DNAH6: variants seen among roughly 807,000 people sequenced by gnomAD.
The protein encoded by DNAH6 is dynein axonemal heavy chain 6, also known as axonemal beta dynein heavy chain 6.
In DNAH6, 340 loss-of-function variants were observed where a neutral mutation model predicts 491.4. The observed-to-expected ratio is 0.69, with a 90% CI of 0.63 to 0.76. DNAH6 has a LOEUF of 0.76. Ranked by LOEUF, DNAH6 falls within the 30% of genes least tolerant of loss-of-function variation. The probability of loss-of-function intolerance (pLI) is 0.00; values close to 1 mark genes in which losing one functional copy is unlikely to be tolerated. For missense variants in DNAH6, 4,443 were observed against 4,972.2 expected (o/e 0.89, Z 3.20); for synonymous variants, 1,603 against 1,686.1 (o/e 0.95, Z 1.21).
At chr2:84,593,495 G>C (rs543595826) in intron 16 of DNAH6, among the ~76,000 whole-genome samples, 2 of 152,088 alleles carry the variant, frequency 1.3e-5, no homozygotes, top group Non-Finnish European at 2.9e-5. Context: ...GTCGTGGTTA[G>C]AAAAGAGTCA....
chr2:84,524,444 A>T (rs1252194030), intron 2 of DNAH6, among the ~76,000 whole-genome samples: 1 of 151,768 alleles, frequency 6.6e-6, no homozygotes, highest in Non-Finnish European at 1.5e-5. Flanking sequence ...ATTCAAGGTT[A>T]GTGTTGATAT....
intron 22 of DNAH6, among the ~76,000 whole-genome samples, chr2:84,613,463 C>T (rs1558798037): frequency 6.6e-6 from 1 of 152,092 alleles, no homozygotes; most frequent in African/African-American, 2.4e-5. Flanking sequence ...AAACCATGAT[C>T]AAGACTGCGG....
chr2:84,804,004 C>T (rs1200527602), intron 70 of DNAH6, among the ~76,000 whole-genome samples: 5 of 152,074 alleles, frequency 3.3e-5, no homozygotes, highest in East Asian at 3.9e-4. Context: ...GCCAGGAGTT[C>T]GGGACCAGCC....
intron 64 of DNAH6, chr2:84,777,496 G>A (rs1329010024): frequency 1.4e-6 from 1 of 707,140 alleles, no homozygotes; most frequent in East Asian, 2.6e-5. Flanking sequence ...CTGCCACAGA[G>A]GGTCCAATGT....
the DNAH6 span, among the ~76,000 whole-genome samples, chr2:84,462,915 G>A: frequency 6.6e-6 from 1 of 152,148 alleles, no homozygotes; most frequent in Non-Finnish European, 1.5e-5. Flanking sequence ...AAGAAAGAAA[G>A]TTGAACCTCC....
Position 84,688,446 on chromosome 2 carries a change from C to A in DNAH6, c.7145C>A (p.Ala2382Glu). The change falls in exon 45 of 77, where the codon GCA (alanine) becomes GAA (glutamate). Residue 2382 changes from alanine to glutamate, a missense_variant. Around this residue, in one of 3 missense-constraint regions of DNAH6, gnomAD observed 2,977 missense variants for 3,296.6 expected, o/e 0.90. Coordinates refer to ENST00000389394, the MANE Select transcript of DNAH6 (RefSeq NM_001370.2). ...TTCTCCCATAAATTATAGTTTGGAG[C>A]AGATAAAGCTGATCGGATTTATGAT... ...IIFGDFIKFGADKADRIYDDM... is the reference protein window; with the variant it reads ...IIFGDFIKFGEDKADRIYDDM... The A allele has an allele frequency of 1.3e-6, 2 of 1,500,716 alleles. No homozygotes were observed. Among genetic ancestry groups the A allele is most frequent in the Non-Finnish European group, 1.8e-6 (2 of 1,131,844 alleles). The allele number at this position is 1,500,716 out of a possible 1,614,324, so 93.0% of individuals were successfully genotyped here. A position where few individuals can be genotyped will look rare whatever the true frequency, so the allele number is the denominator to read the frequency against.
At chr2:84,716,435 A>G (rs1697546176) in intron 58 of DNAH6, among the ~76,000 whole-genome samples, 2 of 152,102 alleles carry the variant, frequency 1.3e-5, no homozygotes, top group Non-Finnish European at 1.5e-5. Context: ...CTAAAGAAAC[A>G]TAATTTAGAC....
chr2:84,460,966 G>A, the DNAH6 span, among the ~76,000 whole-genome samples: 1 of 152,152 alleles, frequency 6.6e-6, no homozygotes, highest in African/African-American at 2.4e-5. Flanking sequence ...GACCCATTTA[G>A]GATTAAACAA....
intron 64 of DNAH6, chr2:84,777,565 T>A (rs971735530): frequency 8.9e-6 from 7 of 783,124 alleles, no homozygotes; most frequent in Non-Finnish European, 1.6e-5. Context: ...TGTGAACCTC[T>A]TTCCACTGTT....
chr2:84,727,418 T>C (rs879421966), intron 60 of DNAH6, among the ~76,000 whole-genome samples: 1 of 152,070 alleles, frequency 6.6e-6, no homozygotes, highest in Non-Finnish European at 1.5e-5. Flanking sequence ...ATGAAACCAA[T>C]TTTTTTGGTC....
chr2:84,473,350 G>T, the DNAH6 span, among the ~76,000 whole-genome samples: 43 of 152,258 alleles, frequency 2.8e-4, no homozygotes, highest in African/African-American at 1.0e-3. Context: ...ACAGCAATTT[G>T]GTCTAAGTAC....
At chr2:84,692,069 T>A (rs1694913801) in intron 45 of DNAH6, among the ~76,000 whole-genome samples, 1 of 152,240 alleles carries the variant, frequency 6.6e-6, no homozygotes, top group Non-Finnish European at 1.5e-5. Context: ...GAAGACTTTT[T>A]AAATAAGTCC....
rs149416280 is a variant in DNAH6, at chr2:84,577,398, G to T, written c.2066G>T (p.Arg689Leu). Residue 689 changes from arginine to leucine, a missense_variant, in exon 13 of 77, where the codon CGA becomes CTA. Coordinates refer to ENST00000389394, the MANE Select transcript of DNAH6 (RefSeq NM_001370.2). ...GAAAAATTAATTCCATCACCTTTGC[G>T]ATGCTTAGAGGTAACTATAAACTAG... ...LREKLIPSPLRCLEVLNFMLP... is the reference protein window; with the variant it reads ...LREKLIPSPLLCLEVLNFMLP... 6.5e-5 allele frequency: 104 copies of T among 1,597,860 alleles called. 1 individual carries two copies. The African/African-American group carries it at 1.2e-3, about 18-fold the overall frequency.
the DNAH6 span, among the ~76,000 whole-genome samples, chr2:84,508,646 T>C: frequency 3.9e-5 from 6 of 152,358 alleles, no homozygotes; most frequent in African/African-American, 1.4e-4. Context: ...CTAGTTCTTT[T>C]AATTGTGATG....
chr2:84,799,799 C>A (rs1020847202), intron 70 of DNAH6, among the ~76,000 whole-genome samples: 2 of 152,214 alleles, frequency 1.3e-5, no homozygotes, highest in African/African-American at 4.8e-5. Context: ...AGAGACACCA[C>A]CAAGGCCTAG....
At chr2:84,729,441 C>T (rs140386012) in intron 61 of DNAH6, among the ~76,000 whole-genome samples, 50 of 152,276 alleles carry the variant, frequency 3.3e-4, no homozygotes, top group African/African-American at 8.9e-4. Context: ...TGTGTGTTTT[C>T]GCCCTTCCTT....
At chr2:84,737,737 A>G (rs1699637198) in intron 62 of DNAH6, among the ~76,000 whole-genome samples, 1 of 151,804 alleles carries the variant, frequency 6.6e-6, no homozygotes, top group Non-Finnish European at 1.5e-5. Context: ...TTGTTAATCT[A>G]GCTTATGGTC....
intron 46 of DNAH6, among the ~76,000 whole-genome samples, 153 bp downstream of exon 46, chr2:84,694,633 T>C (rs1695207799): frequency 6.6e-6 from 1 of 152,240 alleles, no homozygotes; most frequent in Non-Finnish European, 1.5e-5. Flanking sequence ...TTATAATACA[T>C]TTTTATTTAT....
intron 19 of DNAH6, 114 bp from the exon 20 acceptor site, chr2:84,605,386 A>G (rs1019417401): frequency 6.8e-6 from 5 of 730,312 alleles, no homozygotes; most frequent in African/African-American, 3.7e-5. Context: ...TTAGAGAGCA[A>G]TAAGGAGGAA....
Sources: gnomAD v4.1 joint callset for allele counts (sites outside exome capture counted in the v4.1 genomes callset) on GRCh38, gnomAD v4.1.1 for gene constraint, gnomAD v4.1.1 regional missense constraint, MANE v1.5 for transcripts, NCBI Gene and HGNC (gene_info 2026-07-23, HGNC 2026-07-21) for gene names.